Variants in PCNX1 observed in about 807,000 individuals in gnomAD.
PCNX1 encodes the protein pecanex-like protein 1.
Under a neutral mutation model 242.2 loss-of-function variants are expected in PCNX1, and 78 were observed. That is an observed-to-expected ratio of 0.32 (90% CI 0.27 to 0.39). The LOEUF (loss-of-function observed/expected upper bound fraction) is 0.39, where lower values mean the gene tolerates loss of function less well. Among genes scored for constraint, PCNX1 ranks in the 10% least tolerant of loss-of-function variants. The probability of loss-of-function intolerance (pLI) is 1.00; values close to 1 mark genes in which losing one functional copy is unlikely to be tolerated. For missense variants in PCNX1, 2,581 were observed against 2,856.5 expected (o/e 0.90, Z 2.20); for synonymous variants, 1,024 against 1,032.9 (o/e 0.99, Z 0.17).
At chr14:70,915,212 A>G (rs2056102332) in intron 1 of PCNX1, among the ~76,000 whole-genome samples, 1 of 152,122 alleles carries the variant, frequency 6.6e-6, no homozygotes, top group Non-Finnish European at 1.5e-5. Context: ...GTTTTTGGCT[A>G]CTATATGTAA....
Position 70,907,678 on chromosome 14 carries a change from C to T in PCNX1, c.-173C>T, listed in dbSNP as rs2055618262. The T allele has an allele frequency of 4.4e-6, 3 of 679,306 alleles. No individual in the cohort carries two copies. Among genetic ancestry groups the T allele is most frequent in the South Asian group, 6.8e-5 (1 of 14,678 alleles). The allele number at this position is 679,306 out of a possible 1,614,324, so 42.1% of individuals were successfully genotyped here. A position where few individuals can be genotyped will look rare whatever the true frequency, so the allele number is the denominator to read the frequency against. ...CGGGTCTCCTCCTCCTCGTTTGCTG[C>T]CTCCTCCTCCTCCTGCAGCAGCACC... is the stretch of plus-strand genomic sequence containing the variant. On this transcript the variant is annotated 5_prime_UTR_variant, in exon 1 of 36. Coordinates refer to ENST00000304743, the MANE Select transcript of PCNX1 (RefSeq NM_014982.3).
chr14:71,049,215 A>G (rs2060951594), intron 22 of PCNX1: 2 of 445,128 alleles, frequency 4.5e-6, no homozygotes, highest in Non-Finnish European at 5.9e-6. Flanking sequence ...AATACTTTTT[A>G]TTTGTTAAAT....
chr14:71,076,195 A>G lies in PCNX1; in HGVS notation c.5113A>G (p.Ile1705Val). 1.9e-6 allele frequency: 3 copies of G among 1,594,540 alleles called. No homozygotes were observed. Among genetic ancestry groups the G allele is most frequent in the Non-Finnish European group, 2.6e-6 (3 of 1,162,734 alleles). Residue 1705 changes from isoleucine (I) to valine (V), a missense_variant, in exon 28 of 36, where the codon ATT becomes GTT. Physicochemically the swap from Ile to Val is conservative, Grantham distance 29. Coordinates refer to ENST00000304743, the MANE Select transcript of PCNX1 (RefSeq NM_014982.3). ...VLTTYYVKGI[I>V]YYVTTSSKLE... ...TTTGTCTTGTTCATGTTAGGGTATC[A>G]TTTATTATGTTACGACCTCGTCTAA...
At position 71,102,114 on chromosome 14, in the gene PCNX1, C is replaced by G. The variant is rs1239633590; in HGVS notation, c.5714C>G (p.Ala1905Gly). ...GDPAWRSAVL[A>G]NSPSLLALRH... Reference sequence around the variant, plus strand: ...CCTGCATGGCGGAGTGCAGTACTTGCCAACTCTCCCTCCTTGCTTGCTCTG... The same window carrying G: ...CCTGCATGGCGGAGTGCAGTACTTGGCAACTCTCCCTCCTTGCTTGCTCTG... The change falls in exon 31 of 36, where the codon GCC (alanine) becomes GGC (glycine). Residue 1905 changes from alanine to glycine, a missense_variant. Around this residue, in one of 9 missense-constraint regions of PCNX1, gnomAD observed 298 missense variants for 480.1 expected, o/e 0.62. Transcript: ENST00000304743. The G allele has an allele frequency of 6.2e-7, 1 of 1,613,858 alleles. No homozygotes were observed. Among genetic ancestry groups the G allele is most frequent in the East Asian group, 2.2e-5 (1 of 44,874 alleles).
At chr14:71,067,045 A>C (rs1331475907) in intron 26 of PCNX1, among the ~76,000 whole-genome samples, 1 of 151,198 alleles carries the variant, frequency 6.6e-6, no homozygotes, top group East Asian at 1.9e-4. Context: ...ATTGATGTTC[A>C]TCAGGTATAT....
chr14:70,949,002 T>A (rs1219890804), intron 2 of PCNX1, among the ~76,000 whole-genome samples: 1 of 148,222 alleles, frequency 6.7e-6, no homozygotes, highest in African/African-American at 2.5e-5. Flanking sequence ...TCAGCATTTT[T>A]ATTTACTCGT....
intron 2 of PCNX1, among the ~76,000 whole-genome samples, chr14:70,950,322 A>G (rs1225930251): frequency 6.6e-6 from 1 of 152,150 alleles, no homozygotes; most frequent in African/African-American, 2.4e-5. Flanking sequence ...TACTCAGCAA[A>G]TATTTGAAGT....
At chr14:70,957,855 G>C (rs1056693231) in intron 2 of PCNX1, among the ~76,000 whole-genome samples, 3 of 151,860 alleles carry the variant, frequency 2.0e-5, no homozygotes, top group African/African-American at 7.3e-5. Flanking sequence ...GAGAGAGAGA[G>C]AGAGACTAGG....
At chr14:70,908,099 C>A (rs1179358367) in intron 1 of PCNX1, 96 bp downstream of exon 1, 3 of 1,205,202 alleles carry the variant, frequency 2.5e-6, no homozygotes, top group East Asian at 3.1e-5. Flanking sequence ...GGGTCTCGTC[C>A]CCCGGGGGCC....
At chr14:71,019,835 A>T (rs184181022) in intron 12 of PCNX1, among the ~76,000 whole-genome samples, 1 of 152,128 alleles carries the variant, frequency 6.6e-6, no homozygotes, top group East Asian at 1.9e-4. Context: ...AGGTATACAC[A>T]TGCCATGGTG....
intron 1 of PCNX1, among the ~76,000 whole-genome samples, chr14:70,941,120 A>G (rs1213623049): frequency 1.3e-5 from 2 of 152,152 alleles, no homozygotes; most frequent in Non-Finnish European, 1.5e-5. Context: ...TTTGAAGCCT[A>G]CTTCTGTCAA....
intron 19 of PCNX1, among the ~76,000 whole-genome samples, chr14:71,037,011 G>A (rs1324683975): frequency 6.6e-6 from 1 of 151,846 alleles, no homozygotes; most frequent in African/African-American, 2.4e-5. Flanking sequence ...CACATCCCTT[G>A]TAAGTTGGAT....
intron 20 of PCNX1, among the ~76,000 whole-genome samples, 175 bp downstream of exon 20, chr14:71,045,458 G>C (rs1199034595): frequency 1.3e-5 from 2 of 152,160 alleles, no homozygotes; most frequent in Non-Finnish European, 2.9e-5. Context: ...TAATTTAGCT[G>C]AAATATGAGT....
chr14:71,109,086 CTTA>C, intron 34 of PCNX1, 40 bp downstream of exon 34: 2 of 1,487,966 alleles, frequency 1.3e-6, no homozygotes, highest in Non-Finnish European at 1.8e-6. Flanking sequence ...GTTTTTGTTA[CTTA>C]TTTGTTTTTA....
At chr14:71,066,759 T>A (rs2061457434) in intron 26 of PCNX1, among the ~76,000 whole-genome samples, 1 of 152,196 alleles carries the variant, frequency 6.6e-6, no homozygotes, top group African/African-American at 2.4e-5. Context: ...CATAAATAGC[T>A]CTTATTATTT....
intron 26 of PCNX1, among the ~76,000 whole-genome samples, chr14:71,067,233 G>A (rs998994123): frequency 6.6e-6 from 1 of 152,162 alleles, no homozygotes; most frequent in Non-Finnish European, 1.5e-5. Flanking sequence ...CTGTGAATCT[G>A]TCCAGTCCTG....
intron 16 of PCNX1, 60 bp from the exon 17 acceptor site, chr14:71,033,369 G>A: frequency 1.2e-6 from 1 of 832,836 alleles, no homozygotes; most frequent in Non-Finnish European, 2.0e-6. Flanking sequence ...TACATAAAAG[G>A]ATTATGTGAT....
rs187715868 is a variant in PCNX1 at position 71,041,130 on chromosome 14, A to G, written c.3868-4003A>G. Among the ~76,000 whole-genome samples, 84 of 152,336 alleles carry G rather than the reference A, an allele frequency of 5.5e-4. 1 individual carries two copies. The highest frequency in any genetic ancestry group is 9.4e-4 in the Non-Finnish European group (64 of 68,026). On this transcript the variant is annotated intron_variant, in intron 19 of 35. Coordinates refer to ENST00000304743, the MANE Select transcript of PCNX1 (RefSeq NM_014982.3). ...CTTGGCTAATATGAACAGTGCTGCA[A>G]CAAACATGAGTACAGATATCCCTTC...
At chr14:71,021,345 T>C (rs934575789) in intron 12 of PCNX1, among the ~76,000 whole-genome samples, 27 of 152,202 alleles carry the variant, frequency 1.8e-4, no homozygotes, top group Non-Finnish European at 2.6e-4. Flanking sequence ...GTGAATTACT[T>C]TGGGCAGTAT....
Sources: allele counts gnomAD v4.1 joint callset (sites outside exome capture counted in the v4.1 genomes callset), GRCh38; gene constraint gnomAD v4.1.1; regional missense constraint gnomAD v4.1.1; transcripts MANE v1.5; gene names NCBI Gene and HGNC (gene_info 2026-07-23, HGNC 2026-07-21).